ZSCAN25: variants seen among roughly 807,000 people sequenced by gnomAD.
The protein encoded by ZSCAN25 is zinc finger and SCAN domain-containing protein 25.
In ZSCAN25, 27 loss-of-function variants were observed where a neutral mutation model predicts 38.7. The ratio of observed to expected loss-of-function variants is 0.70; its 90% CI spans 0.51 to 0.96. ZSCAN25 has a LOEUF of 0.96. Ranked by LOEUF, ZSCAN25 falls within the 40% of genes least tolerant of loss-of-function variation. The probability of loss-of-function intolerance (pLI) is 0.00; values close to 1 mark genes in which losing one functional copy is unlikely to be tolerated. For synonymous variants in ZSCAN25, 273 were observed against 277.7 expected (o/e 0.98, Z 0.17); for missense variants, 637 against 705.9 (o/e 0.90, Z 1.11).
chr7:99,647,191 C>T, the ZSCAN25 span, among the ~76,000 whole-genome samples: 81 of 152,314 alleles, frequency 5.3e-4, no homozygotes, highest in African/African-American at 1.8e-3. Context: ...CTCTTGAAGG[C>T]CACACCTCTG....
the ZSCAN25 span, among the ~76,000 whole-genome samples, chr7:99,735,410 G>T: frequency 3.9e-5 from 6 of 152,258 alleles, no homozygotes; most frequent in South Asian, 1.2e-3. Flanking sequence ...TTACTGGGGA[G>T]TCCAAGGGTT....
the ZSCAN25 span, among the ~76,000 whole-genome samples, chr7:99,646,671 G>A: frequency 6.6e-6 from 1 of 151,902 alleles, no homozygotes. Flanking sequence ...TTTCTCTAAC[G>A]AGCTCTGGTT....
chr7:99,729,749 A>G, the ZSCAN25 span, among the ~76,000 whole-genome samples: 1 of 152,142 alleles, frequency 6.6e-6, no homozygotes, highest in African/African-American at 2.4e-5. Context: ...TCCACTGCTG[A>G]CAATGGATAA....
chr7:99,652,629 T>C, the ZSCAN25 span: 6 of 1,614,110 alleles, frequency 3.7e-6, no homozygotes, highest in Non-Finnish European at 5.1e-6. Context: ...ATCACCACCA[T>C]TGACCCTTTG....
At chr7:99,710,946 A>G in the ZSCAN25 span, 2 of 1,612,176 alleles carry the variant, frequency 1.2e-6, no homozygotes, top group Admixed American at 3.3e-5. Context: ...AGGGCATCAC[A>G]GTTTAGATGA....
At chr7:99,648,157 C>A in the ZSCAN25 span, 1 of 1,398,448 alleles carries the variant, frequency 7.2e-7, no homozygotes, top group Non-Finnish European at 9.3e-7. Context: ...TCTGGGAGAG[C>A]TCAATGAATG....
chr7:99,724,781 G>A, the ZSCAN25 span, among the ~76,000 whole-genome samples: 2,540 of 152,120 alleles, frequency 0.017, 62 homozygotes, highest in African/African-American at 0.056. Context: ...TTTCTCTATC[G>A]ACCTCTCCCA....
At chr7:99,714,599 A>T in the ZSCAN25 span, 74 of 1,612,226 alleles carry the variant, frequency 4.6e-5, no homozygotes, top group Non-Finnish European at 5.9e-5. Flanking sequence ...TGTTTTACAG[A>T]TTTTGTTAGA....
At chr7:99,632,986 G>GTTTTT (rs201141594), downstream of ZSCAN25, among the ~76,000 whole-genome samples, 11 of 141,522 alleles carry the variant, frequency 7.8e-5, no homozygotes, top group East Asian at 2.2e-4. Flanking sequence ...TGCATTTTCT[G>GTTTTT]TTGTTTTTTT....
the ZSCAN25 span, among the ~76,000 whole-genome samples, chr7:99,728,259 C>T: frequency 0.76 from 115,937 of 152,174 alleles, 47,140 homozygotes; most frequent in Non-Finnish European, 0.91. Context: ...TAGCCCCCTC[C>T]TAGAACTTCT....
chr7:99,644,544 G>C, the ZSCAN25 span, among the ~76,000 whole-genome samples: 1 of 152,216 alleles, frequency 6.6e-6, no homozygotes, highest in Non-Finnish European at 1.5e-5. Flanking sequence ...CTAGAAGGCA[G>C]TTGTTGTGAC....
At chr7:99,713,475 G>A in the ZSCAN25 span, 8 of 1,613,278 alleles carry the variant, frequency 5.0e-6, no homozygotes, top group Non-Finnish European at 6.8e-6. Flanking sequence ...TTACCTTTGT[G>A]GGTCTCAGAG....
At chr7:99,638,329 T>C in the ZSCAN25 span, 1 of 1,605,624 alleles carries the variant, frequency 6.2e-7, no homozygotes, top group Non-Finnish European at 8.5e-7. Context: ...TACCAGTTCC[T>C]GTCCTGAATC....
At chr7:99,680,635 G>A in the ZSCAN25 span, among the ~76,000 whole-genome samples, 1 of 152,194 alleles carries the variant, frequency 6.6e-6, no homozygotes, top group Non-Finnish European at 1.5e-5. Context: ...TGTTGGTGGA[G>A]TTGTCTTGGG....
chr7:99,638,236 C>A, the ZSCAN25 span: 1 of 1,544,362 alleles, frequency 6.5e-7, no homozygotes, highest in Non-Finnish European at 8.8e-7. Flanking sequence ...GTGGAGAATG[C>A]TCATTAAGAT....
the ZSCAN25 span, chr7:99,638,230 A>C: frequency 3.5e-5 from 53 of 1,535,990 alleles, no homozygotes; most frequent in South Asian, 6.6e-4. Flanking sequence ...GGATGGGTGG[A>C]GAATGCTCAT....
the ZSCAN25 span, chr7:99,717,249 G>C: frequency 6.2e-7 from 1 of 1,613,936 alleles, no homozygotes; most frequent in Non-Finnish European, 8.5e-7. Flanking sequence ...TCCATACTGG[G>C]CAATGATAGG....
chr7:99,652,718 G>A, the ZSCAN25 span: 2 of 1,614,000 alleles, frequency 1.2e-6, no homozygotes, highest in African/African-American at 2.7e-5. Context: ...TAATCTGAGT[G>A]TTTCATTCAC....
the ZSCAN25 span, chr7:99,649,991 G>T: frequency 1.3e-6 from 2 of 1,513,198 alleles, no homozygotes; most frequent in Non-Finnish European, 1.8e-6. Context: ...ATTATTAAAA[G>T]ATAAACATGC....
Sources: allele counts gnomAD v4.1 joint callset (sites outside exome capture counted in the v4.1 genomes callset), GRCh38; gene constraint gnomAD v4.1.1; transcripts MANE v1.5; gene names NCBI Gene and HGNC (gene_info 2026-07-23, HGNC 2026-07-21).